CNTNAP2: variants seen among roughly 807,000 people sequenced by gnomAD.
The protein encoded by CNTNAP2 is contactin-associated protein-like 2.
In CNTNAP2, 98 loss-of-function variants were observed where a neutral mutation model predicts 155.2. The observed-to-expected ratio is 0.63, with a 90% CI of 0.54 to 0.75. The LOEUF (loss-of-function observed/expected upper bound fraction) is 0.75. CNTNAP2 is among the 30% of genes least tolerant of loss of function. The pLI, the probability that CNTNAP2 is intolerant of heterozygous loss-of-function variation, is 0.00. For synonymous variants in CNTNAP2, 651 were observed against 631.2 expected (o/e 1.03, Z -0.47); for missense variants, 1,727 against 1,688.1 (o/e 1.02, Z -0.40).
At chr7:146,709,488 G>C (rs971451480) in intron 1 of CNTNAP2, among the ~76,000 whole-genome samples, 1 of 152,170 alleles carries the variant, frequency 6.6e-6, no homozygotes, top group African/African-American at 2.4e-5. Flanking sequence ...TTCTGAGAAT[G>C]GGCCAGTTCT....
intron 1 of CNTNAP2, among the ~76,000 whole-genome samples, chr7:146,577,832 A>G (rs1381250551): frequency 6.6e-6 from 1 of 152,152 alleles, no homozygotes. Flanking sequence ...AGAGTTTGAA[A>G]AAAAGAAAGT....
intron 1 of CNTNAP2, among the ~76,000 whole-genome samples, chr7:146,533,845 C>G (rs1797807275): frequency 6.6e-6 from 1 of 151,786 alleles, no homozygotes; most frequent in Non-Finnish European, 1.5e-5. Flanking sequence ...CTGTTTCAAC[C>G]CAAGATTGCA....
At chr7:146,636,625 C>G (rs1054915968) in intron 1 of CNTNAP2, among the ~76,000 whole-genome samples, 3 of 152,186 alleles carry the variant, frequency 2.0e-5, no homozygotes, top group Admixed American at 1.3e-4. Flanking sequence ...CAGTATGCAA[C>G]TGAGAAGGTC....
At chr7:146,730,506 A>G (rs1173753435) in intron 1 of CNTNAP2, among the ~76,000 whole-genome samples, 1 of 152,184 alleles carries the variant, frequency 6.6e-6, no homozygotes, top group Non-Finnish European at 1.5e-5. Context: ...GTAATTATAC[A>G]GTATGCCCTA....
intron 1 of CNTNAP2, among the ~76,000 whole-genome samples, chr7:146,197,428 T>C (rs1299446053): frequency 6.6e-6 from 1 of 152,166 alleles, no homozygotes; most frequent in African/African-American, 2.4e-5. Flanking sequence ...GACTTTTTGG[T>C]TTTGTAATTA....
chr7:147,991,186 C>G (rs775996074), intron 15 of CNTNAP2, among the ~76,000 whole-genome samples: 4 of 152,134 alleles, frequency 2.6e-5, no homozygotes, highest in Non-Finnish European at 5.9e-5. Flanking sequence ...TATTTATTTG[C>G]TTTATTGTCA....
At chr7:148,291,796 AAT>A (rs1797195480) in intron 21 of CNTNAP2, among the ~76,000 whole-genome samples, 1 of 152,216 alleles carries the variant, frequency 6.6e-6, no homozygotes, top group Admixed American at 6.5e-5. Context: ...GTATACCACA[AAT>A]ATATGAAATT....
chr7:147,835,741 C>G (rs1434754674), intron 13 of CNTNAP2, among the ~76,000 whole-genome samples: 2 of 152,148 alleles, frequency 1.3e-5, no homozygotes, highest in East Asian at 3.8e-4. Flanking sequence ...TTAAGATCAT[C>G]CTGGACTTAG....
intron 10 of CNTNAP2, among the ~76,000 whole-genome samples, chr7:147,414,959 AAAAAG>A (rs1361454159): frequency 4.0e-5 from 6 of 150,476 alleles, no homozygotes; most frequent in Non-Finnish European, 5.9e-5. Context: ...AAAAAAAAAA[AAAAAG>A]AAAAGAAAAA....
chr7:147,594,125 C>CTTTTTT (rs397827040), intron 12 of CNTNAP2, among the ~76,000 whole-genome samples: 2 of 120,030 alleles, frequency 1.7e-5, no homozygotes, highest in Non-Finnish European at 1.7e-5. Flanking sequence ...TCTGGTGTCT[C>CTTTTTT]TTTTTTTTTT....
intron 22 of CNTNAP2, among the ~76,000 whole-genome samples, chr7:148,384,167 T>C (rs1459859226): frequency 6.6e-6 from 1 of 152,238 alleles, no homozygotes; most frequent in Non-Finnish European, 1.5e-5. Flanking sequence ...GTCTGCGCCA[T>C]GACTGTGGGT....
chr7:147,068,471 G>A (rs190215897), intron 4 of CNTNAP2, among the ~76,000 whole-genome samples: 10 of 152,136 alleles, frequency 6.6e-5, no homozygotes, highest in Admixed American at 3.3e-4. Context: ...TGATTCTCCT[G>A]CCTCCACCTC....
chr7:147,838,213 G>A (rs952338804), intron 13 of CNTNAP2, among the ~76,000 whole-genome samples: 2 of 152,106 alleles, frequency 1.3e-5, no homozygotes, highest in African/African-American at 4.8e-5. Flanking sequence ...ACAGCACAGG[G>A]ACCCTGGGGC....
chr7:146,405,832 C>G (rs368612710), intron 1 of CNTNAP2, among the ~76,000 whole-genome samples: 72 of 152,178 alleles, frequency 4.7e-4, no homozygotes, highest in African/African-American at 1.6e-3. Flanking sequence ...AAAGTTTAAC[C>G]TTTTTAGGAC....
intron 1 of CNTNAP2, among the ~76,000 whole-genome samples, chr7:146,172,984 T>G (rs1402077222): frequency 6.6e-6 from 1 of 152,192 alleles, no homozygotes; most frequent in African/African-American, 2.4e-5. Context: ...GTGTGTTTTT[T>G]TTCTAATAAA....
chr7:148,163,224 T>A (rs1172348034), intron 17 of CNTNAP2, among the ~76,000 whole-genome samples: 1 of 152,216 alleles, frequency 6.6e-6, no homozygotes, highest in Non-Finnish European at 1.5e-5. Flanking sequence ...GTGTGAGTTC[T>A]GGCTACTTAC....
intron 16 of CNTNAP2, among the ~76,000 whole-genome samples, chr7:148,141,079 C>T (rs1489615777): frequency 6.6e-6 from 1 of 152,216 alleles, no homozygotes; most frequent in African/African-American, 2.4e-5. Flanking sequence ...CAAAGCCCCA[C>T]CCCAAACCTA....
At chr7:148,290,368 A>G (rs1419633785) in intron 21 of CNTNAP2, among the ~76,000 whole-genome samples, 1 of 152,228 alleles carries the variant, frequency 6.6e-6, no homozygotes, top group African/African-American at 2.4e-5. Flanking sequence ...CGGAAAACCA[A>G]GCTGATTGTT....
At chr7:147,191,004 A>C (rs756914530) in intron 8 of CNTNAP2, among the ~76,000 whole-genome samples, 9 of 152,170 alleles carry the variant, frequency 5.9e-5, no homozygotes, top group Non-Finnish European at 8.8e-5. Flanking sequence ...CTAACTTGGA[A>C]GATGTAAAGA....
Sources: allele counts gnomAD v4.1 joint callset (sites outside exome capture counted in the v4.1 genomes callset), GRCh38; gene constraint gnomAD v4.1.1; transcripts MANE v1.5; gene names NCBI Gene and HGNC (gene_info 2026-07-23, HGNC 2026-07-21).